The following ACER3 variants were observed in gnomAD, a reference collection of about 807,000 sequenced individuals.
ACER3 encodes alkCDase 3.
A neutral mutation model predicts 48.9 loss-of-function variants in ACER3; 16 were observed. The observed-to-expected ratio is 0.33, with a 90% CI of 0.22 to 0.50. The LOEUF is 0.50. Ranked by LOEUF, ACER3 falls within the 20% of genes least tolerant of loss-of-function variation. The probability of loss-of-function intolerance (pLI) is 0.98; values close to 1 mark genes in which losing one functional copy is unlikely to be tolerated. For missense variants in ACER3, 227 were observed against 326.0 expected, an observed-to-expected ratio of 0.70 and a Z score of 2.34; for synonymous variants, 109 against 107.8, an observed-to-expected ratio of 1.01 and a Z score of -0.07.
chr11:76,922,687 A>C (rs1451468771), intron 1 of ACER3, among the ~76,000 whole-genome samples: 2 of 152,192 alleles, frequency 1.3e-5, no homozygotes, highest in Admixed American at 1.3e-4. Context: ...ATTAGCTATA[A>C]GGACAGATAG....
At chr11:76,936,676 G>A (rs932429838) in intron 2 of ACER3, among the ~76,000 whole-genome samples, 4 of 151,334 alleles carry the variant, frequency 2.6e-5, no homozygotes, top group African/African-American at 9.7e-5. Context: ...CACAAGAAAA[G>A]GTTTAATATC....
intron 1 of ACER3, among the ~76,000 whole-genome samples, chr11:76,903,399 T>G (rs1269096457): frequency 6.6e-6 from 1 of 152,028 alleles, no homozygotes; most frequent in Non-Finnish European, 1.5e-5. Flanking sequence ...GCATTCAATT[T>G]AACAATGAAA....
At chr11:76,890,342 T>A (rs1447900079) in intron 1 of ACER3, among the ~76,000 whole-genome samples, 1 of 152,176 alleles carries the variant, frequency 6.6e-6, no homozygotes, top group Non-Finnish European at 1.5e-5. Flanking sequence ...TAACGCTGTA[T>A]CCCCAGCATT....
chr11:76,884,241 AT>A (rs71040041), intron 1 of ACER3, among the ~76,000 whole-genome samples: 278 of 150,204 alleles, frequency 1.9e-3, no homozygotes, highest in Admixed American at 2.5e-3. Context: ...CTATGCTTGG[AT>A]TTTTTTTTTC....
chr11:76,975,631 T>G (rs7121273), intron 3 of ACER3, among the ~76,000 whole-genome samples: 90,616 of 151,824 alleles, frequency 0.6, 30,720 homozygotes, highest in Non-Finnish European at 0.76. Context: ...TGGACATCAT[T>G]TTTTTCTGGA....
At chr11:76,864,152 T>C (rs1432237244) in intron 1 of ACER3, among the ~76,000 whole-genome samples, 1 of 152,212 alleles carries the variant, frequency 6.6e-6, no homozygotes, top group African/African-American at 2.4e-5. Context: ...CCGAAAACTG[T>C]CTTCCTAGCA....
chr11:76,919,739 T>C (rs1351688840), intron 1 of ACER3, among the ~76,000 whole-genome samples: 2 of 152,196 alleles, frequency 1.3e-5, no homozygotes, highest in Non-Finnish European at 2.9e-5. Context: ...ATCTTTTTAA[T>C]ACTTTAGTTT....
intron 1 of ACER3, among the ~76,000 whole-genome samples, chr11:76,869,721 T>C (rs1455493107): frequency 4.6e-5 from 7 of 152,210 alleles, no homozygotes; most frequent in Non-Finnish European, 8.8e-5. Context: ...AAGTACCTCA[T>C]ATAAGTAGAA....
At chr11:76,948,260 T>C (rs1947534296) in intron 2 of ACER3, among the ~76,000 whole-genome samples, 1 of 142,392 alleles carries the variant, frequency 7.0e-6, no homozygotes. Flanking sequence ...TGTGTGTGTG[T>C]GTGTAGGTGT....
intron 1 of ACER3, among the ~76,000 whole-genome samples, chr11:76,876,553 T>G (rs1945387696): frequency 6.6e-6 from 1 of 152,200 alleles, no homozygotes; most frequent in African/African-American, 2.4e-5. Flanking sequence ...ATATTTTCGT[T>G]TCTCATAGGT....
rs190544372 is a variant in ACER3 at position 76,872,021 on chromosome 11, C to T, written c.103+10942C>T. Among the ~76,000 whole-genome samples the T allele has an allele frequency of 1.4e-3, 209 of 147,798 alleles. 3 individuals carry two copies. The highest frequency in any genetic ancestry group is 3.7e-4 in the Non-Finnish European group (25 of 67,138). ...GTGTAATGAAGCATATCTGACCCCT[C>T]TCCCCACCCACCACCCCCATTCATC... On this transcript the variant is annotated intron_variant, in intron 1 of 10. Transcript: ENST00000532485.
In ACER3 at chr11:76,950,411, A is replaced by ATATATATAT. The variant is rs1277575730; in HGVS notation, c.215-8568_215-8567insTATATATAT. 1.8e-4 allele frequency among the ~76,000 whole-genome samples: 4 copies of ATATATATAT among 22,810 alleles called. 1 individual carries two copies. Among genetic ancestry groups the ATATATATAT allele is most frequent in the Non-Finnish European group, 3.0e-4 (2 of 6,670 alleles). 15.0% of individuals were successfully genotyped at this position (22,810 alleles called of 152,430 possible). A position where few individuals can be genotyped will look rare whatever the true frequency, so the allele number is the denominator to read the frequency against. ...TATATATATATATATATATATATAT[A>ATATATATAT]ATTTACACATGTAAGTGTGTGTATG... On this transcript the variant is annotated intron_variant, in intron 2 of 10. Transcript: ENST00000532485.
intron 3 of ACER3, among the ~76,000 whole-genome samples, chr11:76,972,867 T>C (rs1157534812): frequency 6.6e-6 from 1 of 152,238 alleles, no homozygotes; most frequent in Admixed American, 6.5e-5. Context: ...CAGAGTCCTC[T>C]GCAAACTGCT....
chr11:76,965,673 A>T (rs1220035114), intron 3 of ACER3, among the ~76,000 whole-genome samples: 1 of 151,236 alleles, frequency 6.6e-6, no homozygotes, highest in African/African-American at 2.5e-5. Context: ...TAAAGGAAAG[A>T]ATTTTCAACA....
intron 4 of ACER3, among the ~76,000 whole-genome samples, chr11:76,976,726 G>A (rs1030270226): frequency 1.3e-5 from 2 of 152,172 alleles, no homozygotes; most frequent in Admixed American, 1.3e-4. Context: ...TACACTTCTA[G>A]TTGTATAGTG....
intron 7 of ACER3, among the ~76,000 whole-genome samples, chr11:77,001,304 G>C (rs797038136): frequency 2.1e-4 from 32 of 152,164 alleles, no homozygotes; most frequent in African/African-American, 7.5e-4. Context: ...CTCCCGGGCT[G>C]GAGTGCGATG....
At chr11:76,903,744 C>G (rs1946144308) in intron 1 of ACER3, among the ~76,000 whole-genome samples, 1 of 152,062 alleles carries the variant, frequency 6.6e-6, no homozygotes, top group Non-Finnish European at 1.5e-5. Context: ...TATTTTACCC[C>G]AAAGTAATAT....
chr11:76,927,424 T>C (rs146645346), intron 2 of ACER3, among the ~76,000 whole-genome samples: 130 of 151,314 alleles, frequency 8.6e-4, no homozygotes, highest in African/African-American at 2.9e-3. Context: ...AAGTAGATTC[T>C]TTCTAGTAGT....
chr11:76,924,008 C>T (rs1363977012), intron 1 of ACER3, among the ~76,000 whole-genome samples: 1 of 152,140 alleles, frequency 6.6e-6, no homozygotes, highest in Non-Finnish European at 1.5e-5. Context: ...CATATACTGT[C>T]TCCTGTGAAA....
Sources: gnomAD v4.1 joint callset for allele counts (sites outside exome capture counted in the v4.1 genomes callset) on GRCh38, gnomAD v4.1.1 for gene constraint, MANE v1.5 for transcripts, NCBI Gene and HGNC (gene_info 2026-07-23, HGNC 2026-07-21) for gene names.